Variants in CEP164 observed in about 807,000 individuals in gnomAD.
CEP164 encodes centrosomal protein 164, also known as centrosomal protein of 164 kDa.
CEP164 carries 162 observed loss-of-function variants against 182.7 expected under a neutral mutation model. The ratio of observed to expected loss-of-function variants is 0.89; its 90% CI spans 0.78 to 1.01. The LOEUF is 1.01. Ranked by LOEUF, CEP164 falls within the 50% of genes least tolerant of loss-of-function variation. The pLI is 0.00. For synonymous variants in CEP164, 661 were observed against 690.0 expected (o/e 0.96, Z 0.66); for missense variants, 1,735 against 1,790.4 (o/e 0.97, Z 0.56).
At chr11:117,322,731 T>A (rs548327109) in intron 1 of CEP164, among the ~76,000 whole-genome samples, 2 of 148,754 alleles carry the variant, frequency 1.3e-5, no homozygotes, top group East Asian at 2.0e-4. Flanking sequence ...TATTTTGTGT[T>A]TATATATATA....
intron 1 of CEP164, 40 bp downstream of exon 1, chr11:117,327,944 A>G (rs1224176806): frequency 1.3e-5 from 2 of 152,346 alleles, no homozygotes; most frequent in East Asian, 1.9e-4. Flanking sequence ...CGCCTCGCCC[A>G]GAGCCTCGCC....
chr11:117,346,355 G>T (rs1463677164), intron 4 of CEP164, among the ~76,000 whole-genome samples: 2 of 151,810 alleles, frequency 1.3e-5, no homozygotes, highest in African/African-American at 4.8e-5. Flanking sequence ...TGCAACCTCG[G>T]CTCACTGCAG....
At chr11:117,333,869 G>A (rs1461741900) in intron 1 of CEP164, among the ~76,000 whole-genome samples, 2 of 152,144 alleles carry the variant, frequency 1.3e-5, no homozygotes, top group Admixed American at 1.3e-4. Flanking sequence ...AAGTCTGCAT[G>A]GCCTGGCTCC....
At chr11:117,407,765 G>A (rs2046879621) in intron 27 of CEP164, among the ~76,000 whole-genome samples, 160 bp from the exon 28 acceptor site, 2 of 152,220 alleles carry the variant, frequency 1.3e-5, no homozygotes, top group African/African-American at 4.8e-5. Context: ...TCTTTCTCTT[G>A]TAATTCTTAC....
intron 26 of CEP164, 67 bp downstream of exon 26, chr11:117,396,678 C>A: frequency 7.9e-7 from 1 of 1,259,966 alleles, no homozygotes; most frequent in Non-Finnish European, 1.2e-6. Flanking sequence ...GTACCTGCAT[C>A]ATAGAGCTGG....
At chr11:117,371,959 G>A (rs2042242328) in intron 9 of CEP164, among the ~76,000 whole-genome samples, 1 of 151,896 alleles carries the variant, frequency 6.6e-6, no homozygotes, top group South Asian at 2.1e-4. Flanking sequence ...CATTACCTCA[G>A]CCTCTTGAGT....
chr11:117,324,935 AAGATTGCAAATTCTT>A (rs1321340223), upstream of CEP164, among the ~76,000 whole-genome samples: 4 of 152,210 alleles, frequency 2.6e-5, no homozygotes, highest in Non-Finnish European at 4.4e-5. Context: ...ATTGATTGCA[AAGATTGCAAATTCTT>A]AGATATAGGG....
Position 117,394,282 on chromosome 11 carries a change from G to A in CEP164, c.2617-68G>A. ...ACTGATGCAAGGCTGCAGGGCTAGGGGAGCTGTGATTTTTGTGGTAGAAGG... is the reference window on the plus strand; with the variant it reads ...ACTGATGCAAGGCTGCAGGGCTAGGAGAGCTGTGATTTTTGTGGTAGAAGG... On this transcript the variant is annotated intron_variant, in intron 20 of 32. Coordinates refer to ENST00000278935, the MANE Select transcript of CEP164 (RefSeq NM_014956.5). The surrounding 1 kb of genome is among the most constrained non-coding windows in gnomAD (Gnocchi z 4.0). The A allele has an allele frequency of 1.3e-6, 2 of 1,545,850 alleles. No individual in the cohort carries two copies. Among genetic ancestry groups the A allele is most frequent in the South Asian group, 1.2e-5 (1 of 83,622 alleles).
At chr11:117,342,507 A>G (rs573026422) in intron 3 of CEP164, among the ~76,000 whole-genome samples, 2 of 150,334 alleles carry the variant, frequency 1.3e-5, no homozygotes, top group Middle Eastern at 6.8e-3. Context: ...ACAGGATTTC[A>G]CTCTTGTTGC....
At position 117,344,183 on chromosome 11, in the gene CEP164, C is replaced by A; in HGVS notation, c.100C>A (p.Arg34=). The A allele has an allele frequency of 6.2e-7, 1 of 1,611,570 alleles. No individual in the cohort carries two copies. The change falls in exon 4 of 33, where the codon CGG becomes AGG. Residue 34 remains arginine (R), a synonymous_variant. Transcript: ENST00000278935. ...PSEQEILEFA[R]EIGIDPIKEP... ...CCTTGCAGAAATTCTTGAATTTGCC[C>A]GGGAGATTGGTATTGATCCCATCAA... is the stretch of plus-strand genomic sequence containing the variant.
At chr11:117,347,527 G>A (rs564474658) in intron 4 of CEP164, among the ~76,000 whole-genome samples, 8 of 152,146 alleles carry the variant, frequency 5.3e-5, no homozygotes, top group Middle Eastern at 3.4e-3. Context: ...CCTGACCAAT[G>A]TGGAGAAACC....
chr11:117,363,540 A>G, intron 8 of CEP164, 34 bp downstream of exon 8: 1 of 1,452,980 alleles, frequency 6.9e-7, no homozygotes, highest in Non-Finnish European at 9.7e-7. Context: ...CACATGTGTC[A>G]GCCTGGCATA....
chr11:117,409,482 C>G lies in CEP164; in HGVS notation c.3749-136C>G, dbSNP rs2047079789. 1.3e-6 allele frequency: 1 copy of G among 769,872 alleles called. No individual in the cohort carries two copies. Among genetic ancestry groups the G allele is most frequent in the South Asian group, 1.7e-5 (1 of 59,082 alleles). The allele number at this position is 769,872 out of a possible 1,614,324, so 47.7% of individuals were successfully genotyped here. On this transcript the variant is annotated intron_variant, in intron 29 of 32. Transcript: ENST00000278935. This position sits in a 1 kb window ranked among gnomAD's most constrained non-coding sequence, Gnocchi z 4.4. Reference sequence around the variant, plus strand: ...CAGAAGCCCTGCCATCCCTGACCCCCTCATAAGGTTGAGGGGCTGTTGTCT... The same window carrying G: ...CAGAAGCCCTGCCATCCCTGACCCCGTCATAAGGTTGAGGGGCTGTTGTCT...
intron 3 of CEP164, among the ~76,000 whole-genome samples, chr11:117,343,222 A>C (rs1188397647): frequency 6.6e-6 from 1 of 152,070 alleles, no homozygotes; most frequent in African/African-American, 2.4e-5. Flanking sequence ...AAAAGAGGCA[A>C]CTCCCTTAAT....
intron 3 of CEP164, among the ~76,000 whole-genome samples, chr11:117,339,522 G>GTTTTTTTTTTTTTTTTTTT (rs61258101): frequency 1.8e-5 from 1 of 56,200 alleles, no homozygotes; most frequent in Non-Finnish European, 3.1e-5. Flanking sequence ...TTTGTTTTTT[G>GTTTTTTTTTTTTTTTTTTT]TTTTTTTTTT....
In CEP164 at chr11:117,394,333, G is replaced by T. The variant is rs1330896068; in HGVS notation, c.2617-17G>T. ...GGCTGCCGCAGCTTCCCACCGGTGG[G>T]CCCACCCTCCTTGCAGGAGAGGAAG... On this transcript the variant is annotated splice_polypyrimidine_tract_variant and intron_variant, in intron 20 of 32. Coordinates refer to ENST00000278935, the MANE Select transcript of CEP164 (RefSeq NM_014956.5). The surrounding 1 kb of genome is among the most constrained non-coding windows in gnomAD (Gnocchi z 4.0). The T allele has an allele frequency of 3.2e-6, 5 of 1,581,402 alleles. No individual in the cohort carries two copies. Among genetic ancestry groups the T allele is most frequent in the Non-Finnish European group, 4.3e-6 (5 of 1,163,798 alleles).
chr11:117,406,502 A>G (rs998755464), intron 27 of CEP164, among the ~76,000 whole-genome samples: 6 of 152,254 alleles, frequency 3.9e-5, no homozygotes, highest in African/African-American at 1.2e-4. Context: ...TGTGCAAGGC[A>G]GTAGTAATAG....
intron 4 of CEP164, among the ~76,000 whole-genome samples, chr11:117,346,549 G>A (rs1200651413): frequency 2.1e-5 from 3 of 142,400 alleles, no homozygotes; most frequent in South Asian, 2.6e-4. Flanking sequence ...GAGCCACCAC[G>A]CCCGGCCTAT....
chr11:117,405,466 C>T (rs2046571658), intron 27 of CEP164, among the ~76,000 whole-genome samples: 1 of 152,082 alleles, frequency 6.6e-6, no homozygotes, highest in African/African-American at 2.4e-5. Flanking sequence ...TTTGGCTCGC[C>T]CTCCATCGGC....
Sources: gnomAD v4.1 joint callset for allele counts (sites outside exome capture counted in the v4.1 genomes callset) on GRCh38, gnomAD v4.1.1 for gene constraint, Gnocchi (gnomAD v3.1) non-coding constraint, MANE v1.5 for transcripts, NCBI Gene and HGNC (gene_info 2026-07-23, HGNC 2026-07-21) for gene names.